Variants in KIAA1217 observed in about 807,000 individuals in gnomAD.
KIAA1217 encodes the protein KIAA1217, also known as sickle tail protein homolog.
A neutral mutation model predicts 163.9 loss-of-function variants in KIAA1217; 88 were observed. The observed-to-expected ratio is 0.54, with a 90% CI of 0.45 to 0.64. The LOEUF (loss-of-function observed/expected upper bound fraction) is 0.64. KIAA1217 is among the 30% of genes least tolerant of loss of function. The pLI is 0.00. For synonymous variants in KIAA1217, 903 were observed against 923.1 expected (o/e 0.98, Z 0.39); for missense variants, 2,372 against 2,475.0 (o/e 0.96, Z 0.88).
At chr10:24,247,873 C>A (rs920507517) in intron 2 of KIAA1217, among the ~76,000 whole-genome samples, 4 of 152,192 alleles carry the variant, frequency 2.6e-5, no homozygotes, top group Admixed American at 6.5e-5. Flanking sequence ...AGGACAGAAG[C>A]TTTTATTCTT....
At chr10:24,425,660 G>A (rs900492983) in intron 3 of KIAA1217, among the ~76,000 whole-genome samples, 1 of 152,168 alleles carries the variant, frequency 6.6e-6, no homozygotes, top group Non-Finnish European at 1.5e-5. Flanking sequence ...TATTGTTGGA[G>A]ATTCTCCCTC....
At chr10:24,185,743 T>G (rs558458855) in intron 2 of KIAA1217, among the ~76,000 whole-genome samples, 2 of 152,088 alleles carry the variant, frequency 1.3e-5, no homozygotes, top group Non-Finnish European at 1.5e-5. Context: ...TGCAGTGAGC[T>G]GAGATGGCGC....
intron 2 of KIAA1217, among the ~76,000 whole-genome samples, chr10:24,222,893 A>T (rs536392850): frequency 1.3e-5 from 2 of 152,278 alleles, no homozygotes; most frequent in Admixed American, 1.3e-4. Flanking sequence ...GCCCATTTTT[A>T]TGGTTATTTC....
At chr10:23,853,817 A>T (rs1782179825) in intron 1 of KIAA1217, among the ~76,000 whole-genome samples, 1 of 152,180 alleles carries the variant, frequency 6.6e-6, no homozygotes, top group Non-Finnish European at 1.5e-5. Flanking sequence ...TGTTTATAGC[A>T]TTCTCTGATG....
Position 24,084,663 on chromosome 10 carries a change from G to A in KIAA1217, c.-171+77289G>A, listed in dbSNP as rs925120159. Among the ~76,000 whole-genome samples, 9 of 152,258 alleles carry A rather than the reference G, an allele frequency of 5.9e-5. No individual in the cohort carries two copies. In the East Asian group the frequency reaches 1.7e-3, roughly 29 times the overall value. On this transcript the variant is annotated intron_variant, in intron 2 of 18. Transcript: ENST00000376462. ...ACACAGAGAGGAGGAGGAAAACCAG[G>A]CTACTGTGGTGCTATGGCAATGAAC...
At position 24,374,127 on chromosome 10, in the gene KIAA1217, G is replaced by A. The variant is rs1416643841; in HGVS notation, c.355-6742G>A. ...ACAGGATATAAACTGAGTGTATCAA[G>A]GATATTTCATCAAAATAAATCCTAG... is the stretch of plus-strand genomic sequence containing the variant. On this transcript the variant is annotated intron_variant, in intron 2 of 20. Coordinates refer to ENST00000376454, the MANE Select transcript of KIAA1217 (RefSeq NM_019590.5). 2.0e-5 allele frequency among the ~76,000 whole-genome samples: 3 copies of A among 152,262 alleles called. No individual in the cohort carries two copies. The East Asian group carries it at 5.8e-4, about 29-fold the overall frequency.
chr10:24,468,277 G>T (rs929931251), intron 5 of KIAA1217, among the ~76,000 whole-genome samples: 2 of 152,122 alleles, frequency 1.3e-5, no homozygotes, highest in African/African-American at 4.8e-5. Context: ...CAAGTTGTCT[G>T]ATCGTAAGGG....
At chr10:24,242,038 G>C (rs1431210717) in intron 2 of KIAA1217, among the ~76,000 whole-genome samples, 1 of 152,180 alleles carries the variant, frequency 6.6e-6, no homozygotes, top group South Asian at 2.1e-4. Context: ...CTCATTCCCA[G>C]CACTGTTTGG....
intron 2 of KIAA1217, among the ~76,000 whole-genome samples, chr10:24,110,892 C>T (rs1353358995): frequency 2.0e-5 from 3 of 152,156 alleles, no homozygotes; most frequent in African/African-American, 7.2e-5. Flanking sequence ...TAGCCAACCA[C>T]CAAAATCTAT....
chr10:24,273,871 C>T (rs1037312277), intron 2 of KIAA1217, among the ~76,000 whole-genome samples: 3 of 150,958 alleles, frequency 2.0e-5, no homozygotes, highest in African/African-American at 7.3e-5. Flanking sequence ...AAAAAAAGTC[C>T]AAGTTACTGT....
chr10:24,049,943 AT>A (rs1456522772), intron 2 of KIAA1217, among the ~76,000 whole-genome samples: 2 of 152,120 alleles, frequency 1.3e-5, no homozygotes, highest in Non-Finnish European at 2.9e-5. Flanking sequence ...AAGCATTCCT[AT>A]TTCTCCACTT....
chr10:23,816,289 G>GTTGTTTGT (rs374978039), intron 1 of KIAA1217, among the ~76,000 whole-genome samples: 3 of 151,802 alleles, frequency 2.0e-5, no homozygotes, highest in Non-Finnish European at 4.4e-5. Context: ...TGTTGTTGTT[G>GTTGTTTGT]TTGTTTGTTT....
chr10:24,094,762 A>C (rs909707324), intron 2 of KIAA1217, among the ~76,000 whole-genome samples: 7 of 152,180 alleles, frequency 4.6e-5, no homozygotes, highest in Admixed American at 1.3e-4. Flanking sequence ...CTCTCTTCAA[A>C]GCTGTCAGAC....
Position 23,827,930 on chromosome 10 carries a change from A to G in KIAA1217, c.-321+132696A>G, listed in dbSNP as rs117657853. ...TAAAGGATGACTGTTTGCCCAGGGA[A>G]AGAATGGGAAGGAAAGTACTTCAGG... On this transcript the variant is annotated intron_variant, in intron 1 of 18. Transcript: ENST00000376462. 1.3e-3 allele frequency among the ~76,000 whole-genome samples: 192 copies of G among 152,324 alleles called. 13 individuals carry two copies. In the East Asian group the frequency reaches 0.028, roughly 22 times the overall value.
intron 17 of KIAA1217, among the ~76,000 whole-genome samples, chr10:24,537,141 A>G (rs190354793): frequency 2.6e-5 from 4 of 152,320 alleles, no homozygotes; most frequent in Admixed American, 2.6e-4. Flanking sequence ...TTCCCAAACT[A>G]AAGAGTGAAC....
chr10:23,707,581 G>A (rs1836973696), intron 1 of KIAA1217, among the ~76,000 whole-genome samples: 1 of 152,136 alleles, frequency 6.6e-6, no homozygotes. Context: ...GCTCCAAAAG[G>A]TGAGAAAATG....
chr10:24,272,386 T>G (rs1480875660), intron 2 of KIAA1217, among the ~76,000 whole-genome samples: 1 of 152,208 alleles, frequency 6.6e-6, no homozygotes, highest in Non-Finnish European at 1.5e-5. Flanking sequence ...GGAAAAAATA[T>G]TCAAGTTGCA....
chr10:24,044,489 C>A (rs1024369892), intron 2 of KIAA1217, among the ~76,000 whole-genome samples: 1 of 152,052 alleles, frequency 6.6e-6, no homozygotes, highest in African/African-American at 2.4e-5. Context: ...AATGAGGGCA[C>A]CCTGATACAT....
At chr10:23,743,944 T>C (rs931844357) in intron 1 of KIAA1217, among the ~76,000 whole-genome samples, 1 of 152,052 alleles carries the variant, frequency 6.6e-6, no homozygotes, top group African/African-American at 2.4e-5. Context: ...AGGGAGTAGT[T>C]AATGTTTCCT....
Sources: gnomAD v4.1 joint callset for allele counts (sites outside exome capture counted in the v4.1 genomes callset) on GRCh38, gnomAD v4.1.1 for gene constraint, MANE v1.5 for transcripts, NCBI Gene and HGNC (gene_info 2026-07-23, HGNC 2026-07-21) for gene names.